The following SAMMSON variants were observed in gnomAD, a reference collection of about 807,000 sequenced individuals.
SAMMSON encodes the protein survival associated mitochondrial melanoma specific oncogenic non-coding RNA.
chr3:70,391,994 T>C (rs1452833411), downstream of SAMMSON, among the ~76,000 whole-genome samples: 12 of 152,184 alleles, frequency 7.9e-5, no homozygotes, highest in Admixed American at 7.9e-4. Flanking sequence ...TCTGTTTTTA[T>C]GGTGAGACAA....
intron 4 of SAMMSON, chr3:70,172,659 GGGCAAAA>G (rs1292370029): frequency 6.6e-6 from 1 of 151,870 alleles, no homozygotes; most frequent in Non-Finnish European, 1.5e-5. Flanking sequence ...GAAGGGCTAA[GGGCAAAA>G]GGCACATGAC....
At chr3:70,363,707 A>G (rs1036863039) in intron 9 of SAMMSON, among the ~76,000 whole-genome samples, 3 of 151,842 alleles carry the variant, frequency 2.0e-5, no homozygotes, top group Non-Finnish European at 4.4e-5. Context: ...TGTCACTAGC[A>G]CTGTTTGAGA....
intron 4 of SAMMSON, among the ~76,000 whole-genome samples, chr3:70,185,669 T>C (rs963360908): frequency 6.6e-6 from 1 of 152,012 alleles, no homozygotes; most frequent in Admixed American, 6.6e-5. Flanking sequence ...TAAAGTCAGC[T>C]TCTACCTTCT....
chr3:70,157,361 C>CG (rs2067596182), intron 4 of SAMMSON, among the ~76,000 whole-genome samples: 1 of 152,088 alleles, frequency 6.6e-6, no homozygotes, highest in Non-Finnish European at 1.5e-5. Context: ...TTAGAGCCCT[C>CG]AGGCAAGGGG....
chr3:70,196,829 A>G (rs1237420895), intron 4 of SAMMSON: 9 of 397,396 alleles, frequency 2.3e-5, no homozygotes, highest in Non-Finnish European at 3.5e-5. Context: ...AGAAATGTGT[A>G]CAGTCCTTAC....
At chr3:70,225,089 A>C (rs1288608938) in intron 4 of SAMMSON, among the ~76,000 whole-genome samples, 1 of 152,186 alleles carries the variant, frequency 6.6e-6, no homozygotes, top group Non-Finnish European at 1.5e-5. Context: ...TTACAGAATA[A>C]ATATATGGTA....
At chr3:70,153,544 G>A (rs888597387) in intron 4 of SAMMSON, among the ~76,000 whole-genome samples, 3 of 151,766 alleles carry the variant, frequency 2.0e-5, no homozygotes, top group Non-Finnish European at 4.4e-5. Context: ...CTTCACCTGG[G>A]GAACATGAAA....
intron 7 of SAMMSON, among the ~76,000 whole-genome samples, chr3:70,349,583 GAAA>G (rs1702776170): frequency 6.6e-6 from 1 of 152,090 alleles, no homozygotes; most frequent in African/African-American, 2.4e-5. Context: ...TTGAGAGGAG[GAAA>G]AATAACTTTC....
At chr3:70,202,317 G>A (rs1288080017) in intron 4 of SAMMSON, among the ~76,000 whole-genome samples, 1 of 152,126 alleles carries the variant, frequency 6.6e-6, no homozygotes, top group African/African-American at 2.4e-5. Context: ...ATCTGATAGT[G>A]GTTAGTGACT....
intron 4 of SAMMSON, among the ~76,000 whole-genome samples, chr3:70,211,416 TCCCTTTGC>T (rs1701345775): frequency 7.8e-5 from 3 of 38,684 alleles, no homozygotes; most frequent in Non-Finnish European, 2.0e-4. Flanking sequence ...GCCCTTCCCT[TCCCTTTGC>T]CCTTCCCTTC....
At chr3:70,115,100 C>G (rs575341470) in intron 4 of SAMMSON, among the ~76,000 whole-genome samples, 1 of 151,032 alleles carries the variant, frequency 6.6e-6, no homozygotes, top group South Asian at 2.1e-4. Context: ...GAATAATTCA[C>G]TAGTCATCAG....
intron 4 of SAMMSON, among the ~76,000 whole-genome samples, chr3:70,154,967 G>A (rs1353768530): frequency 6.6e-6 from 1 of 151,652 alleles, no homozygotes; most frequent in Non-Finnish European, 1.5e-5. Context: ...GACAGCAAAG[G>A]AAAATATGAG....
chr3:70,000,982 G>A (rs1004687330), intron 1 of SAMMSON, among the ~76,000 whole-genome samples: 2 of 152,092 alleles, frequency 1.3e-5, no homozygotes, highest in African/African-American at 2.4e-5. Context: ...GTGTTGCCAT[G>A]TGTGCACTGC....
intron 4 of SAMMSON, among the ~76,000 whole-genome samples, chr3:70,080,293 C>T (rs1203199564): frequency 2.0e-5 from 3 of 152,148 alleles, no homozygotes; most frequent in African/African-American, 4.8e-5. Flanking sequence ...TAGTCTGGTC[C>T]CTCCTTGCCC....
intron 9 of SAMMSON, among the ~76,000 whole-genome samples, chr3:70,372,735 A>G (rs1702980840): frequency 6.6e-6 from 1 of 152,200 alleles, no homozygotes; most frequent in African/African-American, 2.4e-5. Flanking sequence ...TGTAGAAATC[A>G]AAAGTTTTAA....
intron 6 of SAMMSON, among the ~76,000 whole-genome samples, chr3:70,274,585 C>A (rs1702003995): frequency 6.6e-6 from 1 of 151,982 alleles, no homozygotes; most frequent in Non-Finnish European, 1.5e-5. Context: ...ACAATGAGGA[C>A]ACATGGACAC....
chr3:70,108,395 T>A (rs1034736300), intron 4 of SAMMSON, among the ~76,000 whole-genome samples: 2 of 148,774 alleles, frequency 1.3e-5, no homozygotes, highest in African/African-American at 2.5e-5. Flanking sequence ...AGCTTATCCA[T>A]GTTAGTGTTT....
rs1392294742 is a variant in SAMMSON at position 70,191,581 on chromosome 3, G to A, written n.508-57526G>A. On this transcript the variant is annotated intron_variant and non_coding_transcript_variant, in intron 4 of 9. Transcript: ENST00000642114. ...TTTGCATTTATTACTTATTGGGTACGTATCTTAAAAGCATTTTGAAGATGT... is the reference window on the plus strand; with the variant it reads ...TTTGCATTTATTACTTATTGGGTACATATCTTAAAAGCATTTTGAAGATGT... Among the ~76,000 whole-genome samples, 4 of 152,176 alleles carry A rather than the reference G, an allele frequency of 2.6e-5. No individual in the cohort carries two copies. The East Asian group carries it at 5.8e-4, about 22-fold the overall frequency.
chr3:70,085,905 T>G (rs529433650), intron 4 of SAMMSON, among the ~76,000 whole-genome samples: 17 of 152,284 alleles, frequency 1.1e-4, no homozygotes, highest in African/African-American at 4.1e-4. Flanking sequence ...AAATGAAACC[T>G]TAATCATAGC....
Sources: allele counts gnomAD v4.1 joint callset (sites outside exome capture counted in the v4.1 genomes callset), GRCh38; gene constraint gnomAD v4.1.1; transcripts MANE v1.5; gene names NCBI Gene and HGNC (gene_info 2026-07-23, HGNC 2026-07-21).